The following PTPRM variants were observed in gnomAD, a reference collection of about 807,000 sequenced individuals.
PTPRM encodes receptor-type tyrosine-protein phosphatase mu.
In PTPRM, 47 loss-of-function variants were observed where a neutral mutation model predicts 186.7. That is an observed-to-expected ratio of 0.25 (90% confidence interval 0.20 to 0.32). The LOEUF (loss-of-function observed/expected upper bound fraction) is 0.32, where lower values mean the gene tolerates loss of function less well. PTPRM is among the 10% of genes least tolerant of loss of function. PTPRM has a pLI of 1.00. For missense variants in PTPRM, 1,494 were observed against 1,865.0 expected (o/e 0.80, Z 3.66); for synonymous variants, 668 against 674.9 (o/e 0.99, Z 0.16).
Position 8,088,830 on chromosome 18 carries a change from A to G in PTPRM, c.1835A>G (p.His612Arg), listed in dbSNP as rs1352152280. The part of the protein sequence containing the change: ...NTVTVMLKPA[H>R]SRGAPVSVYQ... ...GTGACAGTCATGCTGAAACCTGCCC[A>G]CAGCAGAGGAGCACCTGTCAGGTAT... The change falls in exon 11 of 33, where the codon CAC (histidine) becomes CGC (arginine). Residue 612 changes from histidine (H) to arginine (R), a missense_variant. His to Arg is a conservative substitution (Grantham distance 29). Coordinates refer to ENST00000580170, the MANE Select transcript of PTPRM (RefSeq NM_001105244.2). 6.2e-7 allele frequency: 1 copy of G among 1,611,238 alleles called. No homozygotes were observed.
At chr18:7,582,986 G>A (rs562903902) in intron 1 of PTPRM, among the ~76,000 whole-genome samples, 88 of 152,298 alleles carry the variant, frequency 5.8e-4, no homozygotes, top group African/African-American at 1.9e-3. Context: ...TCTGTGAAAA[G>A]GGTATGAATT....
chr18:7,652,159 C>T (rs12209959), intron 1 of PTPRM, among the ~76,000 whole-genome samples: 3 of 152,170 alleles, frequency 2.0e-5, no homozygotes, highest in South Asian at 2.1e-4. Flanking sequence ...AAAATGCTCA[C>T]CATCACTGGC....
At position 8,253,422 on chromosome 18, in the gene PTPRM, C is replaced by A. The variant is rs1395257705; in HGVS notation, c.2754+8C>A. 1 of 1,463,572 alleles carries A rather than the reference C, an allele frequency of 6.8e-7. No homozygotes were observed. The highest frequency in any genetic ancestry group is 9.1e-7 in the Non-Finnish European group (1 of 1,100,780). 90.7% of individuals were successfully genotyped at this position (1,463,572 alleles called of 1,614,324 possible). A position where few individuals can be genotyped will look rare whatever the true frequency, so the allele number is the denominator to read the frequency against. ...TTCAAGGAGGAATACGAGGTGAGCA[C>A]AAGCTCTGTGCCAGGGCTTTCCCAT... On this transcript the variant is annotated splice_region_variant and intron_variant, in intron 19 of 32. Coordinates refer to ENST00000580170, the MANE Select transcript of PTPRM (RefSeq NM_001105244.2).
chr18:7,814,973 A>G (rs1184647796), intron 2 of PTPRM: 11 of 152,168 alleles, frequency 7.2e-5, no homozygotes, highest in Admixed American at 7.2e-4. Flanking sequence ...CAGGAAACCA[A>G]TCATCAGTCC....
chr18:7,824,855 C>G (rs1905677380), intron 2 of PTPRM, among the ~76,000 whole-genome samples: 1 of 152,174 alleles, frequency 6.6e-6, no homozygotes. Context: ...CCCAGGGAGG[C>G]TCTCTGGGCA....
intron 14 of PTPRM, among the ~76,000 whole-genome samples, chr18:8,164,865 T>C (rs1372457344): frequency 6.7e-6 from 1 of 149,274 alleles, no homozygotes; most frequent in Non-Finnish European, 1.5e-5. Flanking sequence ...ATATATTTTA[T>C]TACAATAAAT....
In PTPRM at chr18:7,936,942, A is replaced by G. The variant is rs541898184; in HGVS notation, c.663+10259A>G. Reference sequence around the variant, plus strand: ...ACTTGACTGGATGACCTGCCTGCATACAGGAGCTACCCACTCAAGGGTCTC... The same window carrying G: ...ACTTGACTGGATGACCTGCCTGCATGCAGGAGCTACCCACTCAAGGGTCTC... On this transcript the variant is annotated intron_variant, in intron 5 of 32. Transcript: ENST00000580170. Among the ~76,000 whole-genome samples the G allele has an allele frequency of 6.6e-4, 101 of 152,230 alleles. 2 individuals are homozygous for G. The highest frequency in any genetic ancestry group is 2.1e-3 in the African/African-American group (87 of 41,550).
In PTPRM at chr18:7,649,895, A is replaced by AT. The variant is rs200918947; in HGVS notation, c.73+82012dup. On this transcript the variant is annotated intron_variant, in intron 1 of 32. Transcript: ENST00000580170. ...GCCATAGGCTCAGATAACGATTAGC[A>AT]TTTTTTTTAGCAATAACATATTTTT... 5.7e-3 allele frequency among the ~76,000 whole-genome samples: 860 copies of AT among 151,994 alleles called. 8 individuals are homozygous for AT. Among genetic ancestry groups the AT allele is most frequent in the African/African-American group, 0.019 (772 of 41,446 alleles).
chr18:8,148,087 A>G (rs2092925485), intron 14 of PTPRM, among the ~76,000 whole-genome samples: 1 of 152,090 alleles, frequency 6.6e-6, no homozygotes, highest in Admixed American at 6.5e-5. Flanking sequence ...TTCATCAGGG[A>G]TATTGGCCTG....
intron 26 of PTPRM, chr18:8,377,753 T>C (rs879472226): frequency 3.3e-5 from 5 of 152,272 alleles, no homozygotes; most frequent in Non-Finnish European, 7.3e-5. Flanking sequence ...TGTGAACTCA[T>C]TGAAGATATA....
intron 13 of PTPRM, among the ~76,000 whole-genome samples, chr18:8,136,152 A>G (rs1274802170): frequency 6.6e-6 from 1 of 152,212 alleles, no homozygotes; most frequent in Admixed American, 6.5e-5. Flanking sequence ...ATTCTGAACT[A>G]CATCACCTTC....
intron 4 of PTPRM, among the ~76,000 whole-genome samples, chr18:7,913,309 C>T (rs2050381164): frequency 6.7e-6 from 1 of 150,348 alleles, no homozygotes; most frequent in African/African-American, 2.5e-5. Context: ...CCTCTTTTTC[C>T]AACCCAGGTG....
chr18:8,297,540 A>G (rs2095110084), intron 20 of PTPRM, among the ~76,000 whole-genome samples: 1 of 152,232 alleles, frequency 6.6e-6, no homozygotes, highest in Non-Finnish European at 1.5e-5. Context: ...TGTACTTGGA[A>G]TATGGCCGTA....
intron 19 of PTPRM, among the ~76,000 whole-genome samples, chr18:8,266,273 C>G (rs1049937317): frequency 6.7e-6 from 1 of 149,496 alleles, no homozygotes; most frequent in East Asian, 2.0e-4. Context: ...TCACCCAGTT[C>G]TTAAGAATCA....
rs957795236 is a variant in PTPRM at position 8,152,074 on chromosome 18, A to T, written c.2300+8295A>T. Among the ~76,000 whole-genome samples the T allele has an allele frequency of 3.1e-5, 3 of 97,026 alleles. No homozygotes were observed. In the East Asian group the frequency reaches 8.6e-4, roughly 28 times the overall value. The allele number at this position is 97,026 out of a possible 152,430, so 63.7% of individuals were successfully genotyped here. A position where few individuals can be genotyped will look rare whatever the true frequency, so the allele number is the denominator to read the frequency against. ...CACCTTCTGTGTTGATCTCGCTGGGAGCTGCAGACCGGAGCTGTTCCTATT... is the reference window on the plus strand; with the variant it reads ...CACCTTCTGTGTTGATCTCGCTGGGTGCTGCAGACCGGAGCTGTTCCTATT... On this transcript the variant is annotated intron_variant, in intron 14 of 32. Coordinates refer to ENST00000580170, the MANE Select transcript of PTPRM (RefSeq NM_001105244.2).
Position 8,386,484 on chromosome 18 carries a change from C to G in PTPRM, c.4045-588C>G, listed in dbSNP as rs2095774495. 2.0e-5 allele frequency among the ~76,000 whole-genome samples: 3 copies of G among 152,160 alleles called. No individual in the cohort carries two copies. The South Asian group carries it at 6.2e-4, about 32-fold the overall frequency. ...CCATGTCAGATGCTGCTGAAGGCCA[C>G]AGAAGATACAGTCCAAGTGATTTAG... On this transcript the variant is annotated intron_variant, in intron 30 of 32. Coordinates refer to ENST00000580170, the MANE Select transcript of PTPRM (RefSeq NM_001105244.2).
chr18:7,696,758 C>G (rs1238361751), intron 1 of PTPRM, among the ~76,000 whole-genome samples: 1 of 152,218 alleles, frequency 6.6e-6, no homozygotes, highest in Non-Finnish European at 1.5e-5. Context: ...CCATACAACT[C>G]ACGAACTATT....
At chr18:7,750,856 A>T (rs1356484702) in intron 1 of PTPRM, among the ~76,000 whole-genome samples, 1 of 152,124 alleles carries the variant, frequency 6.6e-6, no homozygotes, top group Non-Finnish European at 1.5e-5. Flanking sequence ...TCAAAGGCCA[A>T]AAATGATCAA....
rs542418581 is a variant in PTPRM, at chr18:8,336,588, CAGAG to C, written c.2957-6827_2957-6824del. ...AGAAAGAGAGACAGACAGAGACAGACAGAGAGAGAGAAAAGAAGAGAGGAGGAGG... is the reference window on the plus strand; with the variant it reads ...AGAAAGAGAGACAGACAGAGACAGACAGAGAGAAAAGAAGAGAGGAGGAGG... On this transcript the variant is annotated intron_variant, in intron 22 of 32. Coordinates refer to ENST00000580170, the MANE Select transcript of PTPRM (RefSeq NM_001105244.2). 3.2e-3 allele frequency among the ~76,000 whole-genome samples: 424 copies of C among 131,882 alleles called. 3 individuals carry two copies. Among genetic ancestry groups the C allele is most frequent in the African/African-American group, 0.012 (404 of 34,550 alleles). The allele number at this position is 131,882 out of a possible 152,430, so 86.5% of individuals were successfully genotyped here. A position where few individuals can be genotyped will look rare whatever the true frequency, so the allele number is the denominator to read the frequency against.
Sources: gnomAD v4.1 joint callset for allele counts (sites outside exome capture counted in the v4.1 genomes callset) on GRCh38, gnomAD v4.1.1 for gene constraint, MANE v1.5 for transcripts, NCBI Gene and HGNC (gene_info 2026-07-23, HGNC 2026-07-21) for gene names.